KLHDC4: variants seen among roughly 807,000 people sequenced by gnomAD.
KLHDC4 encodes kelch domain-containing protein 4.
KLHDC4 carries 90 observed loss-of-function variants against 62.4 expected under a neutral mutation model. That is an observed-to-expected ratio of 1.44 (90% confidence interval 1.22 to 1.72). KLHDC4 has a LOEUF of 1.72. Among genes scored for constraint, KLHDC4 ranks in the 40% most tolerant of loss-of-function variants. The probability of loss-of-function intolerance (pLI) is 0.00; values close to 1 mark genes in which losing one functional copy is unlikely to be tolerated. For synonymous variants in KLHDC4, 386 were observed against 284.4 expected, an observed-to-expected ratio of 1.36 and a Z score of -3.59; for missense variants, 1,025 against 699.7, an observed-to-expected ratio of 1.47 and a Z score of -5.25.
At chr16:87,761,404 A>C (rs1030217051) in intron 2 of KLHDC4, among the ~76,000 whole-genome samples, 1 of 152,246 alleles carries the variant, frequency 6.6e-6, no homozygotes, top group African/African-American at 2.4e-5. Flanking sequence ...TAAATCCTGC[A>C]AGGTTAATCT....
chr16:87,737,633 G>A (rs1437590801), intron 5 of KLHDC4, among the ~76,000 whole-genome samples: 1 of 149,426 alleles, frequency 6.7e-6, no homozygotes, highest in African/African-American at 2.5e-5. Flanking sequence ...TGTCACCCAG[G>A]CTGGAGCACA....
rs911695245 is a variant in KLHDC4, at chr16:87,753,915, G to A, written c.369+1279C>T. 6.7e-5 allele frequency among the ~76,000 whole-genome samples: 10 copies of A among 149,744 alleles called. No individual in the cohort carries two copies. The South Asian group carries it at 2.1e-3, about 32-fold the overall frequency. Reference sequence around the variant, plus strand: ...TTGAACCCGGCAGGCGGAGGTTGTAGTGAGATGAGATCACACCATTGTACT... The same window carrying A: ...TTGAACCCGGCAGGCGGAGGTTGTAATGAGATGAGATCACACCATTGTACT... On this transcript the variant is annotated intron_variant, in intron 4 of 11. Transcript: ENST00000270583.
At chr16:87,714,346 C>CG in intron 8 of KLHDC4, 152 bp downstream of exon 8, 1 of 495,324 alleles carries the variant, frequency 2.0e-6, no homozygotes, top group Non-Finnish European at 3.0e-6. Context: ...TCCCACCCGG[C>CG]CCACCCCGAA....
At chr16:87,758,846 G>C (rs986630182) in intron 2 of KLHDC4, among the ~76,000 whole-genome samples, 2 of 152,330 alleles carry the variant, frequency 1.3e-5, no homozygotes, top group African/African-American at 4.8e-5. Context: ...GCGACATGAA[G>C]TAATTCCACT....
chr16:87,762,993 T>A (rs546646284), intron 1 of KLHDC4, among the ~76,000 whole-genome samples: 1 of 152,236 alleles, frequency 6.6e-6, no homozygotes, highest in East Asian at 1.9e-4. Context: ...CCAGGTTCCC[T>A]CAGCCTGCCA....
intron 5 of KLHDC4, among the ~76,000 whole-genome samples, chr16:87,732,496 AT>A (rs1432450117): frequency 6.6e-6 from 1 of 152,234 alleles, no homozygotes; most frequent in Non-Finnish European, 1.5e-5. Flanking sequence ...TGATATAAAA[AT>A]ACATGGCAAT....
intron 7 of KLHDC4, among the ~76,000 whole-genome samples, chr16:87,717,841 T>A (rs1270359301): frequency 1.3e-5 from 2 of 151,104 alleles, no homozygotes; most frequent in African/African-American, 2.5e-5. Context: ...ACCCTGCACC[T>A]GTCTATATGA....
chr16:87,757,963 C>T (rs371570888), intron 2 of KLHDC4, among the ~76,000 whole-genome samples: 1 of 152,180 alleles, frequency 6.6e-6, no homozygotes. Context: ...CAGTGACTAT[C>T]TGGCGAATCA....
chr16:87,745,684 T>G (rs984525828), intron 5 of KLHDC4, among the ~76,000 whole-genome samples: 6 of 152,068 alleles, frequency 3.9e-5, no homozygotes, highest in Non-Finnish European at 7.4e-5. Context: ...CAAGACGACA[T>G]TGGGGCAGGG....
chr16:87,756,721 C>CAAAAAAAAAAAAAAAAAAAAAAAAA (rs35385743), intron 2 of KLHDC4, among the ~76,000 whole-genome samples: 1 of 98,812 alleles, frequency 1.0e-5, no homozygotes, highest in Non-Finnish European at 2.2e-5. Context: ...GTTGTATTAA[C>CAAAAAAAAAAAAAAAAAAAAAAAAA]AAAAAAAAAA....
chr16:87,735,203 G>C (rs1056493607), intron 5 of KLHDC4, among the ~76,000 whole-genome samples: 1 of 151,962 alleles, frequency 6.6e-6, no homozygotes, highest in Non-Finnish European at 1.5e-5. Flanking sequence ...AGGAGGCTGA[G>C]GCAGGAGAAT....
At chr16:87,713,107 C>T (rs1025212895) in intron 8 of KLHDC4, among the ~76,000 whole-genome samples, 5 of 152,258 alleles carry the variant, frequency 3.3e-5, no homozygotes, top group African/African-American at 4.8e-5. Context: ...TCTCAGCTGA[C>T]GGCAGCCTCC....
intron 2 of KLHDC4, 38 bp downstream of exon 2, chr16:87,761,911 A>AAAGG: frequency 6.3e-7 from 1 of 1,597,298 alleles, no homozygotes; most frequent in Non-Finnish European, 8.6e-7. Context: ...GTATAGAAGA[A>AAAGG]AAGGAAACAT....
At chr16:87,723,241 G>A (rs574422349) in intron 7 of KLHDC4, among the ~76,000 whole-genome samples, 5 of 152,152 alleles carry the variant, frequency 3.3e-5, no homozygotes, top group East Asian at 1.9e-4. Context: ...CAAATCTCTC[G>A]CTAATTCTGA....
intron 6 of KLHDC4, 70 bp downstream of exon 6, chr16:87,730,482 T>G: frequency 7.9e-7 from 1 of 1,266,088 alleles, no homozygotes. Context: ...GTATTCAGAA[T>G]GCTCTTTCTA....
intron 7 of KLHDC4, among the ~76,000 whole-genome samples, chr16:87,717,430 CCA>C (rs1381236649): frequency 6.6e-6 from 1 of 152,334 alleles, no homozygotes; most frequent in South Asian, 2.1e-4. Flanking sequence ...GATCCACTGT[CCA>C]CAGAGACTTC....
At chr16:87,743,466 G>C (rs1046381963) in intron 5 of KLHDC4, among the ~76,000 whole-genome samples, 1 of 152,096 alleles carries the variant, frequency 6.6e-6, no homozygotes, top group African/African-American at 2.4e-5. Context: ...CTGGCCAGGC[G>C]CCGTGGCTCA....
At chr16:87,706,092 G>C (rs542809453), downstream of KLHDC4, among the ~76,000 whole-genome samples, 11 of 142,136 alleles carry the variant, frequency 7.7e-5, no homozygotes, top group African/African-American at 2.7e-4. Flanking sequence ...AGCCCTTGCG[G>C]GGGGCGGGCG....
intron 4 of KLHDC4, chr16:87,750,527 C>T (rs2043766380): frequency 6.6e-6 from 1 of 152,264 alleles, no homozygotes. Context: ...TGTTTTATTT[C>T]CTCTCGTTTC....
Sources: gnomAD v4.1 joint callset for allele counts (sites outside exome capture counted in the v4.1 genomes callset) on GRCh38, gnomAD v4.1.1 for gene constraint, MANE v1.5 for transcripts, NCBI Gene and HGNC (gene_info 2026-07-23, HGNC 2026-07-21) for gene names.